Variants in LIN52 observed in about 807,000 individuals in gnomAD.
LIN52 encodes protein lin-52 homolog.
Under a neutral mutation model 18.5 loss-of-function variants are expected in LIN52, and 4 were observed. The ratio of observed to expected loss-of-function variants is 0.22; its 90% CI spans 0.11 to 0.49. The LOEUF (loss-of-function observed/expected upper bound fraction) is 0.49. Ranked by LOEUF, LIN52 falls within the 20% of genes least tolerant of loss-of-function variation. LIN52 has a pLI of 0.97. For missense variants in LIN52, 102 were observed against 139.5 expected, an observed-to-expected ratio of 0.73 and a Z score of 1.35; for synonymous variants, 34 against 45.5, an observed-to-expected ratio of 0.75 and a Z score of 1.02.
At chr14:74,144,110 C>T (rs2061144247) in intron 5 of LIN52, among the ~76,000 whole-genome samples, 1 of 143,264 alleles carries the variant, frequency 7.0e-6, no homozygotes, top group Non-Finnish European at 1.5e-5. Context: ...TCACACATGA[C>T]AAGGTTTTAT....
intron 5 of LIN52, among the ~76,000 whole-genome samples, chr14:74,165,498 T>C (rs1031858678): frequency 6.7e-6 from 1 of 148,724 alleles, no homozygotes. Flanking sequence ...AATGGAGAAT[T>C]ACAGGTTTTC....
At position 74,200,975 on chromosome 14, in the gene LIN52, G is replaced by C. The variant is rs1255784447; in HGVS notation, c.*1998G>C. On this transcript the variant is annotated 3_prime_UTR_variant, in exon 6 of 6. Transcript: ENST00000555028. ...AACTCAAGTCTGTAACTGGAAGCCA[G>C]GTGGTTGGTTTTCTGGTCCGCTTTG... 1 of 152,246 alleles carries C rather than the reference G, an allele frequency of 6.6e-6. No homozygotes were observed. Among genetic ancestry groups the C allele is most frequent in the African/African-American group, 2.4e-5 (1 of 41,458 alleles). The allele number at this position is 152,246 out of a possible 1,614,324, so 9.4% of individuals were successfully genotyped here. A position where few individuals can be genotyped will look rare whatever the true frequency, so the allele number is the denominator to read the frequency against.
intron 5 of LIN52, among the ~76,000 whole-genome samples, chr14:74,129,709 G>A (rs185841818): frequency 2.0e-5 from 3 of 152,224 alleles, no homozygotes; most frequent in East Asian, 3.9e-4. Context: ...TTAGCCAGGT[G>A]TGGTGACACA....
intron 5 of LIN52, among the ~76,000 whole-genome samples, chr14:74,121,084 C>A (rs1329853490): frequency 6.6e-6 from 1 of 152,106 alleles, no homozygotes; most frequent in Non-Finnish European, 1.5e-5. Context: ...CCAAAAAAAA[C>A]CATGTAGTAG....
chr14:74,167,614 TTAAGTA>T, intron 5 of LIN52, among the ~76,000 whole-genome samples: 1 of 152,346 alleles, frequency 6.6e-6, no homozygotes, highest in East Asian at 1.9e-4. Flanking sequence ...AGGTTTTAGA[TTAAGTA>T]TGTTTCCTTT....
chr14:74,120,649 G>A (rs758437369), intron 5 of LIN52, among the ~76,000 whole-genome samples: 1 of 152,042 alleles, frequency 6.6e-6, no homozygotes, highest in Non-Finnish European at 1.5e-5. Context: ...CAGCTACTCG[G>A]GAGGTTGAGG....
chr14:74,134,127 C>T (rs897784690), intron 5 of LIN52, among the ~76,000 whole-genome samples: 1 of 152,126 alleles, frequency 6.6e-6, no homozygotes, highest in Non-Finnish European at 1.5e-5. Flanking sequence ...CTGAGGTTTC[C>T]GACATGCTGT....
chr14:74,122,667 A>C (rs1045042562), intron 5 of LIN52, among the ~76,000 whole-genome samples: 5 of 152,158 alleles, frequency 3.3e-5, no homozygotes, highest in African/African-American at 7.2e-5. Context: ...GGAGTTTGAG[A>C]TCAGCCTGAC....
chr14:74,161,481 C>G (rs1462500527), intron 5 of LIN52, among the ~76,000 whole-genome samples: 1 of 152,180 alleles, frequency 6.6e-6, no homozygotes, highest in Admixed American at 6.5e-5. Context: ...GCCACCGTGC[C>G]CGGTCTGAAC....
chr14:74,181,107 CAAAAAAAAAA>C (rs149099646), intron 5 of LIN52, among the ~76,000 whole-genome samples: 6 of 96,124 alleles, frequency 6.2e-5, no homozygotes, highest in African/African-American at 2.4e-4. Context: ...GACTCTGTCT[CAAAAAAAAAA>C]AAAAAAAAAA....
At chr14:74,130,201 C>T (rs1314647726) in intron 5 of LIN52, among the ~76,000 whole-genome samples, 6 of 149,636 alleles carry the variant, frequency 4.0e-5, no homozygotes, top group Non-Finnish European at 5.9e-5. Flanking sequence ...AACCATATCA[C>T]CCTGTCTCAA....
chr14:74,183,820 G>T (rs1473918804), intron 5 of LIN52, among the ~76,000 whole-genome samples: 2 of 152,058 alleles, frequency 1.3e-5, no homozygotes, highest in Non-Finnish European at 2.9e-5. Context: ...CTAACCAGAA[G>T]ATCCCCCCTT....
intron 5 of LIN52, among the ~76,000 whole-genome samples, chr14:74,109,117 A>T (rs924769828): frequency 7.2e-5 from 11 of 152,196 alleles, no homozygotes; most frequent in African/African-American, 2.7e-4. Flanking sequence ...GCATGTGGAT[A>T]TCCAGTTTTC....
At chr14:74,101,268 G>T in intron 5 of LIN52, 30 bp downstream of exon 5, 1 of 1,516,602 alleles carries the variant, frequency 6.6e-7, no homozygotes. Context: ...TTGTTCAGGG[G>T]TGTATTCCAC....
intron 5 of LIN52, among the ~76,000 whole-genome samples, chr14:74,179,369 A>C (rs2061306940): frequency 6.6e-6 from 1 of 152,092 alleles, no homozygotes; most frequent in Admixed American, 6.6e-5. Flanking sequence ...TAAAAATTCT[A>C]ATTCTTTGGG....
At chr14:74,146,342 CT>C (rs2061152413) in intron 5 of LIN52, among the ~76,000 whole-genome samples, 2 of 152,002 alleles carry the variant, frequency 1.3e-5, no homozygotes, top group Admixed American at 1.3e-4. Flanking sequence ...TCCTTTAGTT[CT>C]CTTCAGTTTC....
intron 5 of LIN52, among the ~76,000 whole-genome samples, chr14:74,185,476 G>C (rs1161226162): frequency 6.6e-6 from 1 of 151,650 alleles, no homozygotes; most frequent in Non-Finnish European, 1.5e-5. Flanking sequence ...ACCACATCTG[G>C]CTAATTTTTT....
chr14:74,143,480 A>G (rs1248048272), intron 5 of LIN52, among the ~76,000 whole-genome samples: 1 of 152,168 alleles, frequency 6.6e-6, no homozygotes, highest in African/African-American at 2.4e-5. Flanking sequence ...TTTGAGCCCA[A>G]GAAGCAGAGC....
chr14:74,087,413 CAAAAAAAAAA>C (rs59052804), intron 1 of LIN52, among the ~76,000 whole-genome samples: 4,484 of 100,340 alleles, frequency 0.045, 237 homozygotes, highest in African/African-American at 0.15. Context: ...GACTCCATTG[CAAAAAAAAAA>C]AAAAAAAAAA....
Sources: gnomAD v4.1 joint callset for allele counts (sites outside exome capture counted in the v4.1 genomes callset) on GRCh38, gnomAD v4.1.1 for gene constraint, MANE v1.5 for transcripts, NCBI Gene and HGNC (gene_info 2026-07-23, HGNC 2026-07-21) for gene names.